Variants in SYCP1 observed in about 807,000 individuals in gnomAD.
The protein encoded by SYCP1 is cancer/testis antigen 8.
SYCP1 carries 64 observed loss-of-function variants against 153.1 expected under a neutral mutation model. The observed-to-expected ratio is 0.42, with a 90% confidence interval of 0.34 to 0.51. The LOEUF is 0.51. SYCP1 is among the 20% of genes least tolerant of loss of function. The pLI, the probability that SYCP1 is intolerant of heterozygous loss-of-function variation, is 0.06. For missense variants in SYCP1, 997 were observed against 1,049.0 expected (o/e 0.95, Z 0.68); for synonymous variants, 384 against 341.8 (o/e 1.12, Z -1.36).
At chr1:114,981,248 TCTA>T (rs769590659) in intron 28 of SYCP1, 85 bp from the exon 29 acceptor site, 117 of 1,036,196 alleles carry the variant, frequency 1.1e-4, no homozygotes, top group Admixed American at 2.7e-4. Context: ...TGTTGTGAAT[TCTA>T]CTAGTTGCTG....
chr1:114,994,828 C>A, intron 31 of SYCP1, 41 bp downstream of exon 31: 1 of 1,572,526 alleles, frequency 6.4e-7, no homozygotes, highest in East Asian at 2.3e-5. Context: ...ATTTTAAAAG[C>A]TGCACTTAAA....
intron 23 of SYCP1, among the ~76,000 whole-genome samples, chr1:114,941,608 T>C (rs1670394472): frequency 6.6e-6 from 1 of 152,130 alleles, no homozygotes; most frequent in Non-Finnish European, 1.5e-5. Flanking sequence ...TAGTATACTA[T>C]TATTGTTGTC....
chr1:114,968,536 T>C (rs1351303912), intron 27 of SYCP1, among the ~76,000 whole-genome samples: 1 of 150,192 alleles, frequency 6.7e-6, no homozygotes, highest in African/African-American at 2.5e-5. Context: ...ATCAGGTCTT[T>C]TCTGTTCTCT....
chr1:114,959,319 G>T (rs1304582835), intron 27 of SYCP1, among the ~76,000 whole-genome samples: 2 of 152,108 alleles, frequency 1.3e-5, no homozygotes. Context: ...AATTCTACTT[G>T]GTCTTGGTAT....
In SYCP1 at chr1:114,913,070, C is replaced by A. The variant is rs201193175; in HGVS notation, c.1567C>A (p.Leu523Ile). The change falls in exon 19 of 32, where the codon CTT becomes ATT. Residue 523 changes from leucine to isoleucine, a missense_variant. Physicochemically the swap from Leu to Ile is conservative, Grantham distance 5 (BLOSUM62 2). This residue lies in a region of SYCP1 where 712 missense variants were observed against 682.9 expected (regional missense o/e 1.04). Transcript: ENST00000369522. Reference sequence around the variant, plus strand: ...TGAATTAACTTCACACTGCAACAAGCTTTCACTAGAAAACAAAGAGCTCAC... The same window carrying A: ...TGAATTAACTTCACACTGCAACAAGATTTCACTAGAAAACAAAGAGCTCAC... ...NTELTSHCNK[L>I]SLENKELTQE... 3.1e-6 allele frequency: 5 copies of A among 1,612,040 alleles called. No individual in the cohort carries two copies. The Admixed American group carries it at 8.4e-5, about 27-fold the overall frequency.
chr1:114,952,280 C>A (rs1671157799), intron 27 of SYCP1, among the ~76,000 whole-genome samples: 1 of 152,182 alleles, frequency 6.6e-6, no homozygotes, highest in South Asian at 2.1e-4. Context: ...ACCATAAGCA[C>A]TGTATAAATG....
At chr1:114,874,235 A>C (rs1665362588) in intron 8 of SYCP1, among the ~76,000 whole-genome samples, 1 of 152,152 alleles carries the variant, frequency 6.6e-6, no homozygotes, top group South Asian at 2.1e-4. Flanking sequence ...ACTTCTCTTA[A>C]GGATCTGAGA....
chr1:114,942,080 T>G (rs1219883349), intron 23 of SYCP1, among the ~76,000 whole-genome samples: 1 of 151,964 alleles, frequency 6.6e-6, no homozygotes, highest in Non-Finnish European at 1.5e-5. Flanking sequence ...CAAGAAAAAT[T>G]AAAAGAAATC....
At chr1:114,956,372 A>G (rs568483843) in intron 27 of SYCP1, among the ~76,000 whole-genome samples, 61 of 152,266 alleles carry the variant, frequency 4.0e-4, no homozygotes, top group Middle Eastern at 3.4e-3. Context: ...TCCAACCTCT[A>G]TCTCACAATA....
chr1:114,944,533 A>G, intron 24 of SYCP1, 78 bp downstream of exon 24: 1 of 869,582 alleles, frequency 1.1e-6, no homozygotes, highest in South Asian at 1.8e-5. Flanking sequence ...AGGAAAGTAA[A>G]AAAATCTTAA....
At chr1:114,994,617 A>C (rs570345072) in intron 30 of SYCP1, 81 bp from the exon 31 acceptor site, 45 of 1,081,026 alleles carry the variant, frequency 4.2e-5, no homozygotes, top group Admixed American at 1.3e-4. Context: ...TTCTCCTCAC[A>C]TGTGATATGT....
chr1:114,899,610 A>G (rs1667285907), intron 16 of SYCP1, among the ~76,000 whole-genome samples: 1 of 152,244 alleles, frequency 6.6e-6, no homozygotes, highest in African/African-American at 2.4e-5. Context: ...CAGGGTAGTT[A>G]CAATTAGAAA....
chr1:114,889,788 C>T (rs1381198976), intron 15 of SYCP1, among the ~76,000 whole-genome samples: 2 of 152,046 alleles, frequency 1.3e-5, no homozygotes, highest in Non-Finnish European at 2.9e-5. Context: ...ATGCCTATGT[C>T]CTGAATGGTA....
At chr1:114,877,930 C>A (rs912837190) in intron 11 of SYCP1, among the ~76,000 whole-genome samples, 164 bp from the exon 12 acceptor site, 8 of 152,122 alleles carry the variant, frequency 5.3e-5, no homozygotes, top group African/African-American at 1.9e-4. Flanking sequence ...AGGGCCAGTT[C>A]TCTGACTACA....
chr1:114,886,753 CAATT>C (rs1284224848), intron 14 of SYCP1, among the ~76,000 whole-genome samples: 1 of 151,756 alleles, frequency 6.6e-6, no homozygotes, highest in African/African-American at 2.4e-5. Context: ...TTAAATTAAC[CAATT>C]AATCAGTATA....
chr1:114,894,962 G>A (rs1348713990), intron 15 of SYCP1, among the ~76,000 whole-genome samples: 1 of 152,044 alleles, frequency 6.6e-6, no homozygotes. Flanking sequence ...ACGAGATAAG[G>A]GAAATTAAAG....
chr1:114,862,775 G>A (rs533855122), intron 8 of SYCP1: 10 of 150,016 alleles, frequency 6.7e-5, no homozygotes, highest in African/African-American at 2.4e-4. Flanking sequence ...CATGTAGAAA[G>A]TTTTTTTTTT....
intron 24 of SYCP1, 112 bp from the exon 25 acceptor site, chr1:114,944,760 G>A (rs931652172): frequency 1.2e-6 from 1 of 813,958 alleles, no homozygotes; most frequent in Admixed American, 3.1e-5. Flanking sequence ...TGTTTTTCCA[G>A]TTTCCTGGTG....
At chr1:114,946,464 A>G in intron 26 of SYCP1, 83 bp downstream of exon 26, 1 of 791,860 alleles carries the variant, frequency 1.3e-6, no homozygotes, top group Non-Finnish European at 2.0e-6. Flanking sequence ...ATTAAGTAAA[A>G]CTAATTTTTG....
Sources: allele counts gnomAD v4.1 joint callset (sites outside exome capture counted in the v4.1 genomes callset), GRCh38; gene constraint gnomAD v4.1.1; regional missense constraint gnomAD v4.1.1; transcripts MANE v1.5; gene names NCBI Gene and HGNC (gene_info 2026-07-23, HGNC 2026-07-21).